Variants in SLC12A9 observed in about 807,000 individuals in gnomAD.
The protein encoded by SLC12A9 is CCC-interacting protein 1.
Under a neutral mutation model 66.0 loss-of-function variants are expected in SLC12A9, and 55 were observed. The ratio of observed to expected loss-of-function variants is 0.83; its 90% CI spans 0.67 to 1.04. The LOEUF (loss-of-function observed/expected upper bound fraction) is 1.04. SLC12A9 is among the 50% of genes least tolerant of loss of function. The pLI is 0.00. For missense variants in SLC12A9, 1,061 were observed against 1,241.9 expected, an observed-to-expected ratio of 0.85 and a Z score of 2.19; for synonymous variants, 577 against 569.0, an observed-to-expected ratio of 1.01 and a Z score of -0.20.
chr7:100,858,513 C>T (rs1176959686), intron 5 of SLC12A9: 1 of 251,070 alleles, frequency 4.0e-6, no homozygotes, highest in Non-Finnish European at 7.9e-6. Context: ...TCGCTCTAGC[C>T]CAGGAGGTAG....
chr7:100,862,589 T>C, intron 12 of SLC12A9, 92 bp from the exon 13 acceptor site: 1 of 1,482,672 alleles, frequency 6.7e-7, no homozygotes, highest in Non-Finnish European at 9.3e-7. Flanking sequence ...CAAGTAGCCA[T>C]AGCCCTGCCC....
intron 1 of SLC12A9, among the ~76,000 whole-genome samples, chr7:100,845,431 A>G (rs314331): frequency 0.97 from 148,076 of 151,972 alleles, 72,255 homozygotes; most frequent in East Asian, 1. Context: ...CTCACTGCAA[A>G]CTCTACCTCC....
At chr7:100,837,571 G>A (rs1010108810) in intron 1 of SLC12A9, 1 of 152,232 alleles carries the variant, frequency 6.6e-6, no homozygotes, top group African/African-American at 2.4e-5. Flanking sequence ...GGCGGATTCC[G>A]GAGGATTCCT....
intron 7 of SLC12A9, 22 bp from the exon 8 acceptor site, chr7:100,859,838 ACCCCGTGACGCATGATCATCCGTGT>A (rs768586912): frequency 1.3e-4 from 204 of 1,559,218 alleles, no homozygotes; most frequent in Non-Finnish European, 1.7e-4. Context: ...AGATTTTCTT[ACCCCGTGACGCATGATCATCCGTGT>A]CCTCCTTTTC....
At position 100,861,318 on chromosome 7, in the gene SLC12A9, C is replaced by T. The variant is rs562358388; in HGVS notation, c.1343+56C>T. ...GAAGAAGGGAGGACTCGGGCTCAGG[C>T]GTGGGGCTGGGGACTGCAGCCTCGT... On this transcript the variant is annotated intron_variant, in intron 10 of 13. Transcript: ENST00000354161. This position sits in a 1 kb window ranked among gnomAD's most constrained non-coding sequence, Gnocchi z 5.3. The T allele has an allele frequency of 1.4e-5, 23 of 1,612,874 alleles. No homozygotes were observed. Among genetic ancestry groups the T allele is most frequent in the African/African-American group, 2.7e-5 (2 of 74,910 alleles).
At position 100,864,369 on chromosome 7, in the gene SLC12A9, GA is replaced by G. The variant is rs112866471; in HGVS notation, c.1859-1343del. On this transcript the variant is annotated intron_variant, in intron 13 of 13. Coordinates refer to ENST00000354161, the MANE Select transcript of SLC12A9 (RefSeq NM_020246.4). The stretch of plus-strand genomic sequence containing the variant: ...GTGCTGGGATGCCATTTTAATGGGG[GA>G]AAAAAAGAACCACAATTACTTTTGC... Among the ~76,000 whole-genome samples the G allele has an allele frequency of 5.6e-4, 85 of 152,040 alleles. 1 individual carries two copies. Among genetic ancestry groups the G allele is most frequent in the African/African-American group, 1.7e-3 (70 of 41,490 alleles).
At chr7:100,827,545 G>C (rs967321312) in intron 1 of SLC12A9, 2 of 152,354 alleles carry the variant, frequency 1.3e-5, no homozygotes, top group Non-Finnish European at 2.9e-5. Flanking sequence ...CGCCGGGCCC[G>C]GGAGGGAGGG....
At position 100,839,709 on chromosome 7, in the gene SLC12A9, G is replaced by A. The variant is rs569011831; in HGVS notation, n.228+12662G>A. 1.8e-3 allele frequency among the ~76,000 whole-genome samples: 271 copies of A among 152,326 alleles called. 2 individuals carry two copies. The highest frequency in any genetic ancestry group is 6.3e-3 in the African/African-American group (261 of 41,574). On this transcript the variant is annotated intron_variant and non_coding_transcript_variant, in intron 1 of 1. Coordinates refer to the SLC12A9 transcript ENST00000461016. ...CACCAGGAAGGAACGGGCACTTAGA[G>A]TCTGGACATCTAAAACTTGGTAAGA...
chr7:100,853,510 G>C (rs1420619322), intron 1 of SLC12A9: 1 of 151,748 alleles, frequency 6.6e-6, no homozygotes, highest in Non-Finnish European at 1.5e-5. Flanking sequence ...GGACTTTTTT[G>C]AGTTGCCGGT....
intron 13 of SLC12A9, among the ~76,000 whole-genome samples, chr7:100,863,058 T>C (rs1313238982): frequency 6.6e-6 from 1 of 150,622 alleles, no homozygotes; most frequent in African/African-American, 2.4e-5. Flanking sequence ...TTTTTTTCCT[T>C]CTTCTTTTTT....
Position 100,861,478 on chromosome 7 carries a change from C to A in SLC12A9, c.1430C>A (p.Ala477Glu). 1.2e-6 allele frequency: 2 copies of A among 1,613,786 alleles called. No individual in the cohort carries two copies. Among genetic ancestry groups the A allele is most frequent in the Non-Finnish European group, 1.7e-6 (2 of 1,180,030 alleles). The stretch of plus-strand genomic sequence containing the variant: ...ATGATGTTCCTCATCAGTCCTGGCG[C>A]GGCTGGTGGCTCCCTGCTCCTCATG... Reference protein sequence around the residue: ...LLMMFLISPGAAGGSLLLMGL... With the variant: ...LLMMFLISPGEAGGSLLLMGL... Residue 477 changes from alanine to glutamate, a missense_variant, in exon 11 of 14, where the codon GCG (alanine) becomes GAG (glutamate). Ala to Glu is a moderately radical substitution (Grantham distance 107, BLOSUM62 -1). Transcript: ENST00000354161. The surrounding 1 kb of genome is among the most constrained non-coding windows in gnomAD (Gnocchi z 5.3).
chr7:100,834,007 C>T (rs934101515), intron 1 of SLC12A9, among the ~76,000 whole-genome samples: 1 of 149,092 alleles, frequency 6.7e-6, no homozygotes, highest in African/African-American at 2.5e-5. Context: ...TCATTTTCTA[C>T]CTTCCAGGAT....
At chr7:100,865,470 G>C in intron 13 of SLC12A9, 1 of 1,533,768 alleles carries the variant, frequency 6.5e-7, no homozygotes, top group East Asian at 2.4e-5. Flanking sequence ...AGAATCCTAA[G>C]GCGAACTTTG....
chr7:100,827,675 T>G (rs1325472044), intron 1 of SLC12A9, among the ~76,000 whole-genome samples: 3 of 150,622 alleles, frequency 2.0e-5, no homozygotes, highest in Admixed American at 6.6e-5. Context: ...GGGCACCGAG[T>G]GGAGCAGGTC....
At chr7:100,843,641 T>G (rs1326877076) in intron 1 of SLC12A9, among the ~76,000 whole-genome samples, 3 of 152,224 alleles carry the variant, frequency 2.0e-5, no homozygotes, top group Non-Finnish European at 4.4e-5. Flanking sequence ...AATGGCCCTG[T>G]TAGCACAAGA....
chr7:100,859,969 G>C lies in SLC12A9; in HGVS notation c.1062G>C (p.Ala354=). 6.2e-7 allele frequency: 1 copy of C among 1,613,204 alleles called. No homozygotes were observed. The highest frequency in any genetic ancestry group is 8.5e-7 in the Non-Finnish European group (1 of 1,179,240). ...TGTTGATCGGAATCTATGCCACAGC[G>C]CTCTCAGCGTCCATGAGCTCGCTCA... ...PLVLIGIYAT[A]LSASMSSLIG... Residue 354 remains alanine, a synonymous_variant, in exon 8 of 14, where the codon GCG becomes GCC. Coordinates refer to ENST00000354161, the MANE Select transcript of SLC12A9 (RefSeq NM_020246.4).
At chr7:100,846,151 T>A (rs1584684005) in intron 1 of SLC12A9, among the ~76,000 whole-genome samples, 2 of 152,232 alleles carry the variant, frequency 1.3e-5, no homozygotes, top group South Asian at 4.1e-4. Flanking sequence ...CCTGAGGCCA[T>A]GTTTAGAAAA....
At chr7:100,856,354 C>A (rs1415728212) in intron 4 of SLC12A9, 1 of 161,486 alleles carries the variant, frequency 6.2e-6, no homozygotes, top group Non-Finnish European at 1.4e-5. Context: ...ATTACAGGCA[C>A]TCACCACCAC....
intron 5 of SLC12A9, chr7:100,857,879 C>G (rs1814490860): frequency 6.6e-6 from 1 of 152,274 alleles, no homozygotes; most frequent in Admixed American, 6.5e-5. Flanking sequence ...CGAGATTGCA[C>G]CATTGCACTC....
Sources: allele counts gnomAD v4.1 joint callset (sites outside exome capture counted in the v4.1 genomes callset), GRCh38; gene constraint gnomAD v4.1.1; non-coding constraint Gnocchi (gnomAD v3.1); transcripts MANE v1.5; gene names NCBI Gene and HGNC (gene_info 2026-07-23, HGNC 2026-07-21).